NR1I2: variants seen among roughly 807,000 people sequenced by gnomAD.
NR1I2 encodes the protein nuclear receptor subfamily 1 group I member 2, also known as orphan nuclear receptor PAR1.
A neutral mutation model predicts 43.3 loss-of-function variants in NR1I2; 42 were observed. The ratio of observed to expected loss-of-function variants is 0.97; its 90% CI spans 0.76 to 1.26. NR1I2 has a LOEUF of 1.26. Ranked by LOEUF, NR1I2 falls within the 50% of genes most tolerant of loss-of-function variation. The probability of loss-of-function intolerance (pLI) is 0.00; values close to 1 mark genes in which losing one functional copy is unlikely to be tolerated. For missense variants in NR1I2, 559 were observed against 566.7 expected (o/e 0.99, Z 0.14); for synonymous variants, 229 against 215.0 (o/e 1.06, Z -0.57).
At chr3:119,810,301 C>T (rs1489452901) in intron 3 of NR1I2, 107 bp downstream of exon 3, 8 of 1,457,506 alleles carry the variant, frequency 5.5e-6, no homozygotes, top group Non-Finnish European at 6.4e-6. Flanking sequence ...CGAGTGTGCG[C>T]GTGAACACAC....
intron 1 of NR1I2, among the ~76,000 whole-genome samples, chr3:119,803,872 C>G (rs1314426683): frequency 6.6e-6 from 1 of 152,028 alleles, no homozygotes; most frequent in East Asian, 1.9e-4. Flanking sequence ...ATTCTCATGC[C>G]TCAGCCTCCC....
chr3:119,803,369 G>T (rs2055107092), intron 1 of NR1I2, among the ~76,000 whole-genome samples: 2 of 151,432 alleles, frequency 1.3e-5, no homozygotes, highest in South Asian at 4.2e-4. Context: ...GAGAGAGAGA[G>T]AGAGATAGAG....
At chr3:119,812,262 C>T (rs751806078) in intron 4 of NR1I2, among the ~76,000 whole-genome samples, 26 of 152,116 alleles carry the variant, frequency 1.7e-4, no homozygotes, top group African/African-American at 3.1e-4. Flanking sequence ...TGATAGATAT[C>T]TCAAGTGGCC....
intron 1 of NR1I2, among the ~76,000 whole-genome samples, chr3:119,800,802 A>T (rs978848162): frequency 2.6e-5 from 4 of 152,222 alleles, no homozygotes; most frequent in African/African-American, 9.7e-5. Context: ...CTGCCTGGGA[A>T]CAGAGAGCTA....
chr3:119,801,498 G>C (rs1273493786), intron 1 of NR1I2, among the ~76,000 whole-genome samples: 1 of 152,228 alleles, frequency 6.6e-6, no homozygotes, highest in South Asian at 2.1e-4. Context: ...CCTGCCCAGA[G>C]GGCAACATTC....
In NR1I2 at chr3:119,812,772, C is replaced by G; in HGVS notation, c.606C>G (p.Val202=). ...AAGAAGCTGCCAAGTGGAGCCAGGT[C>G]CGGAAAGATCTGTGCTCTTTGAAGG... The change falls in exon 5 of 9, where the codon GTC becomes GTG. Residue 202 remains valine (V), a synonymous_variant. Transcript: ENST00000393716. 1 of 1,614,198 alleles carries G rather than the reference C, an allele frequency of 6.2e-7. No individual in the cohort carries two copies. The highest frequency in any genetic ancestry group is 8.5e-7 in the Non-Finnish European group (1 of 1,180,040).
intron 1 of NR1I2, among the ~76,000 whole-genome samples, chr3:119,789,812 G>T (rs1283496121): frequency 2.0e-5 from 3 of 151,890 alleles, no homozygotes; most frequent in African/African-American, 7.3e-5. Context: ...TACTATTTTG[G>T]CTTCCTTTTC....
chr3:119,795,624 G>T (rs1271979177), intron 1 of NR1I2, among the ~76,000 whole-genome samples: 3 of 152,044 alleles, frequency 2.0e-5, no homozygotes, highest in Non-Finnish European at 2.9e-5. Flanking sequence ...TCAAGGCTGG[G>T]TTCTGTTCTT....
rs757512423 is a variant in NR1I2, at chr3:119,815,303, C to T, written c.938-20C>T. The T allele has an allele frequency of 6.2e-7, 1 of 1,601,698 alleles. No homozygotes were observed. Among genetic ancestry groups the T allele is most frequent in the Non-Finnish European group, 8.6e-7 (1 of 1,168,788 alleles). On this transcript the variant is annotated intron_variant, in intron 6 of 8. Transcript: ENST00000393716. ...TCAGCTTGCTGAGAAGCTGCCCCTC[C>T]ATCCTGTTACCATCCACAGGTGGCT... is the stretch of plus-strand genomic sequence containing the variant.
chr3:119,792,136 T>A (rs2054928586), intron 1 of NR1I2: 1 of 823,070 alleles, frequency 1.2e-6, no homozygotes, highest in Non-Finnish European at 2.2e-6. Context: ...CTTCCTCGCA[T>A]CTTCACCAGG....
chr3:119,809,968 A>G, intron 2 of NR1I2, 93 bp from the exon 3 acceptor site: 1 of 1,520,080 alleles, frequency 6.6e-7, no homozygotes, highest in African/African-American at 1.4e-5. Context: ...CCGAGTCGGT[A>G]GGGGCTGGGG....
rs3732359 is a variant in NR1I2 at position 119,817,582 on chromosome 3, G to A, written c.*370G>A. 863,082 of 1,172,542 alleles carry A rather than the reference G, an allele frequency of 0.74. 325,041 individuals carry two copies. Among genetic ancestry groups the A allele is most frequent in the Non-Finnish European group, 0.78 (727,592 of 936,056 alleles). 72.6% of individuals were successfully genotyped at this position (1,172,542 alleles called of 1,614,324 possible). On this transcript the variant is annotated 3_prime_UTR_variant, in exon 9 of 9. Transcript: ENST00000393716. ...TGGAAGGGACCAAGCGACCAAGGATGGGCCATCTGGGGTCTATGCCCACAT... is the reference window on the plus strand; with the variant it reads ...TGGAAGGGACCAAGCGACCAAGGATAGGCCATCTGGGGTCTATGCCCACAT...
At position 119,817,661 on chromosome 3, in the gene NR1I2, T is replaced by C. The variant is rs1185137012; in HGVS notation, c.*449T>C. ...TTCATTGCTACCTCTAATAGTCCTG[T>C]CTCCCACTTCCCACTCGTTCCCCTC... On this transcript the variant is annotated 3_prime_UTR_variant, in exon 9 of 9. Transcript: ENST00000393716. 1 of 1,118,806 alleles carries C rather than the reference T, an allele frequency of 8.9e-7. No individual in the cohort carries two copies. The highest frequency in any genetic ancestry group is 1.6e-5 in the African/African-American group (1 of 61,822). 69.3% of individuals were successfully genotyped at this position (1,118,806 alleles called of 1,614,324 possible).
At chr3:119,785,166 T>C (rs2107942633) in intron 1 of NR1I2, among the ~76,000 whole-genome samples, 1 of 152,360 alleles carries the variant, frequency 6.6e-6, no homozygotes, top group African/African-American at 2.4e-5. Context: ...TTGTGTGGGT[T>C]CTATACTGCA....
At chr3:119,794,819 G>T (rs1045621051) in intron 1 of NR1I2, among the ~76,000 whole-genome samples, 1 of 152,136 alleles carries the variant, frequency 6.6e-6, no homozygotes, top group Non-Finnish European at 1.5e-5. Flanking sequence ...ATGCCTTGCG[G>T]TCCCAGCTAC....
intron 1 of NR1I2, among the ~76,000 whole-genome samples, chr3:119,790,158 C>T (rs1476865232): frequency 1.3e-5 from 2 of 152,186 alleles, no homozygotes; most frequent in African/African-American, 4.8e-5. Flanking sequence ...TACTATACCT[C>T]ATATTTGTCT....
intron 1 of NR1I2, among the ~76,000 whole-genome samples, chr3:119,797,624 AAGAT>A (rs1167612868): frequency 6.6e-6 from 1 of 152,246 alleles, no homozygotes; most frequent in Middle Eastern, 3.2e-3. Flanking sequence ...ATATCTCTAA[AAGAT>A]AGCATATACA....
rs147984184 is a variant in NR1I2 at position 119,812,818 on chromosome 3, G to A, written c.652G>A (p.Glu218Lys). Residue 218 changes from glutamate (E) to lysine (K), a missense_variant, in exon 5 of 9, where the codon GAG becomes AAG. By Grantham distance (56) the Glu-to-Lys change is moderately conservative. Coordinates refer to ENST00000393716, the MANE Select transcript of NR1I2 (RefSeq NM_003889.4). The stretch of plus-strand genomic sequence containing the variant: ...GAAGGTCTCTCTGCAGCTGCGGGGG[G>A]AGGATGGCAGTGTCTGGAACTACAA... 1.2e-6 allele frequency: 2 copies of A among 1,614,124 alleles called. No individual in the cohort carries two copies. Among genetic ancestry groups the A allele is most frequent in the Non-Finnish European group, 1.7e-6 (2 of 1,180,054 alleles).
chr3:119,804,808 A>C (rs1241237061), intron 1 of NR1I2, among the ~76,000 whole-genome samples: 2 of 151,990 alleles, frequency 1.3e-5, no homozygotes, highest in African/African-American at 2.4e-5. Context: ...TCAGTTTCTT[A>C]ACTCTCTAAT....
Sources: allele counts gnomAD v4.1 joint callset (sites outside exome capture counted in the v4.1 genomes callset), GRCh38; gene constraint gnomAD v4.1.1; transcripts MANE v1.5; gene names NCBI Gene and HGNC (gene_info 2026-07-23, HGNC 2026-07-21).